The following FOCAD variants were observed in gnomAD, a reference collection of about 807,000 sequenced individuals.
The protein encoded by FOCAD is focadhesin.
FOCAD carries 198 observed loss-of-function variants against 225.6 expected under a neutral mutation model. That is an observed-to-expected ratio of 0.88 (90% CI 0.78 to 0.99). The LOEUF is 0.99. Among genes scored for constraint, FOCAD ranks in the 50% least tolerant of loss-of-function variants. The pLI is 0.00. For missense variants in FOCAD, 2,713 were observed against 2,123.6 expected (o/e 1.28, Z -5.46); for synonymous variants, 897 against 755.0 (o/e 1.19, Z -3.08).
intron 10 of FOCAD, among the ~76,000 whole-genome samples, chr9:20,788,575 G>A (rs975822450): frequency 1.3e-5 from 2 of 152,118 alleles, no homozygotes; most frequent in Non-Finnish European, 2.9e-5. Flanking sequence ...TAACCAGACA[G>A]TTATAATCCA....
chr9:20,846,584 C>T (rs1827135286), intron 15 of FOCAD, among the ~76,000 whole-genome samples: 1 of 152,112 alleles, frequency 6.6e-6, no homozygotes, highest in Non-Finnish European at 1.5e-5. Flanking sequence ...CATGATTGTA[C>T]ACTTGGCTGT....
intron 28 of FOCAD, among the ~76,000 whole-genome samples, chr9:20,934,502 T>G (rs1461655187): frequency 6.6e-6 from 1 of 152,136 alleles, no homozygotes; most frequent in African/African-American, 2.4e-5. Context: ...AGGGTGTCCT[T>G]TACCCACTTG....
intron 23 of FOCAD, among the ~76,000 whole-genome samples, chr9:20,915,741 G>C (rs1010648881): frequency 1.3e-5 from 2 of 152,134 alleles, no homozygotes; most frequent in African/African-American, 4.8e-5. Flanking sequence ...ATGTTCACAT[G>C]CTAAGGGAAA....
chr9:20,868,260 A>T (rs13289216), intron 18 of FOCAD, among the ~76,000 whole-genome samples: 24,399 of 152,086 alleles, frequency 0.16, 2,005 homozygotes, highest in East Asian at 0.21. Context: ...GGCACCTTTT[A>T]TTCTTGTTTT....
chr9:20,706,408 T>G (rs1587280472), intron 1 of FOCAD, among the ~76,000 whole-genome samples: 1 of 152,206 alleles, frequency 6.6e-6, no homozygotes, highest in Non-Finnish European at 1.5e-5. Context: ...TAGAATTCAT[T>G]GTACTTTTAT....
chr9:20,967,448 C>T (rs557179013), intron 35 of FOCAD, among the ~76,000 whole-genome samples: 17 of 152,090 alleles, frequency 1.1e-4, no homozygotes, highest in Non-Finnish European at 2.4e-4. Flanking sequence ...TATATAGGAT[C>T]ATATCATTTG....
chr9:20,663,615 T>C (rs1284120071), intron 2 of FOCAD, among the ~76,000 whole-genome samples: 1 of 152,150 alleles, frequency 6.6e-6, no homozygotes, highest in African/African-American at 2.4e-5. Flanking sequence ...TTCTAAGACA[T>C]GGGCCCTCTT....
chr9:20,775,733 T>C (rs975545815), intron 8 of FOCAD, among the ~76,000 whole-genome samples: 3 of 152,184 alleles, frequency 2.0e-5, no homozygotes, highest in African/African-American at 7.2e-5. Context: ...GCATAGGTGA[T>C]GTTTAGTGCT....
intron 16 of FOCAD, among the ~76,000 whole-genome samples, chr9:20,864,922 C>A (rs1006268311): frequency 2.6e-5 from 4 of 152,020 alleles, no homozygotes; most frequent in South Asian, 2.1e-4. Context: ...GAAACTAAAC[C>A]TTTGAGAGGC....
chr9:20,721,759 A>G (rs1825784055), intron 4 of FOCAD, among the ~76,000 whole-genome samples: 1 of 152,066 alleles, frequency 6.6e-6, no homozygotes, highest in Admixed American at 6.5e-5. Context: ...ATTAGGTTAA[A>G]TAACCCCTAG....
chr9:20,779,134 C>T (rs1819098487), intron 9 of FOCAD, among the ~76,000 whole-genome samples: 1 of 152,156 alleles, frequency 6.6e-6, no homozygotes, highest in Non-Finnish European at 1.5e-5. Flanking sequence ...TTTTAAAACT[C>T]TCCATACCTT....
At chr9:20,793,242 G>A (rs909779639) in intron 11 of FOCAD, among the ~76,000 whole-genome samples, 10 of 152,144 alleles carry the variant, frequency 6.6e-5, no homozygotes, top group Admixed American at 5.2e-4. Context: ...AAGCAATTAG[G>A]CAAAGAGAAG....
chr9:20,679,121 ATGTGTGTGTGTGTGTGTGTGTGTG>A (rs539231126), intron 2 of FOCAD, among the ~76,000 whole-genome samples: 66 of 122,040 alleles, frequency 5.4e-4, no homozygotes, highest in Middle Eastern at 4.0e-3. Flanking sequence ...CAGTCTGTGT[ATGTGTGTGTGTGTGTGTGTGTGTG>A]TGTGTGTGTG....
At chr9:20,818,613 C>T (rs1342328450) in intron 11 of FOCAD, among the ~76,000 whole-genome samples, 2 of 152,032 alleles carry the variant, frequency 1.3e-5, no homozygotes, top group Non-Finnish European at 2.9e-5. Flanking sequence ...AGCACTATCC[C>T]TCCGAGAGAC....
At chr9:20,952,167 G>C (rs1051258833) in intron 34 of FOCAD, among the ~76,000 whole-genome samples, 4 of 152,142 alleles carry the variant, frequency 2.6e-5, no homozygotes, top group African/African-American at 9.7e-5. Context: ...ATTTATGGCA[G>C]GCTTTTATTT....
At chr9:20,696,514 T>C (rs796286936) in intron 1 of FOCAD, among the ~76,000 whole-genome samples, 11 of 152,328 alleles carry the variant, frequency 7.2e-5, no homozygotes, top group African/African-American at 2.6e-4. Context: ...TTAAATTTAA[T>C]TGCCATTGGC....
At chr9:20,913,111 T>C (rs1336805787) in intron 23 of FOCAD, among the ~76,000 whole-genome samples, 157 bp downstream of exon 23, 1 of 148,282 alleles carries the variant, frequency 6.7e-6, no homozygotes, top group African/African-American at 2.5e-5. Flanking sequence ...ATTCCCTAGA[T>C]AGGAGATAGA....
chr9:20,923,748 G>C lies in FOCAD; in HGVS notation c.2941G>C (p.Asp981His), dbSNP rs1476401458. 6.2e-7 allele frequency: 1 copy of C among 1,613,808 alleles called. No homozygotes were observed. Among genetic ancestry groups the C allele is most frequent in the Non-Finnish European group, 8.5e-7 (1 of 1,179,808 alleles). The change falls in exon 25 of 44, where the codon GAC becomes CAC. Residue 981 changes from aspartate to histidine, a missense_variant. By Grantham distance (81) the Asp-to-His change is moderately conservative (BLOSUM62 -1). Transcript: ENST00000338382. ...VSRHEASLSS[D>H]SDGLLEVQPN... is the part of the protein sequence containing the mutation. ...TAGACATGAAGCCAGCCTCTCCTCA[G>C]ACTCTGACGGGCTCCTGGAGGTTAG...
intron 18 of FOCAD, among the ~76,000 whole-genome samples, chr9:20,868,088 T>A (rs1564091120): frequency 6.6e-6 from 1 of 152,106 alleles, no homozygotes; most frequent in South Asian, 2.1e-4. Flanking sequence ...TAGGTAAAGA[T>A]GTGTTATGAC....
Sources: allele counts gnomAD v4.1 joint callset (sites outside exome capture counted in the v4.1 genomes callset), GRCh38; gene constraint gnomAD v4.1.1; transcripts MANE v1.5; gene names NCBI Gene and HGNC (gene_info 2026-07-23, HGNC 2026-07-21).